The following ETS1 variants were observed in gnomAD, a reference collection of about 807,000 sequenced individuals.
The protein encoded by ETS1 is protein C-ets-1.
Under a neutral mutation model 58.6 loss-of-function variants are expected in ETS1, and 15 were observed. The ratio of observed to expected loss-of-function variants is 0.26; its 90% CI spans 0.17 to 0.39. The LOEUF is 0.39. ETS1 is among the 10% of genes least tolerant of loss of function. The pLI is 1.00. For missense variants in ETS1, 417 were observed against 610.5 expected, an observed-to-expected ratio of 0.68 and a Z score of 3.34; for synonymous variants, 214 against 218.2, an observed-to-expected ratio of 0.98 and a Z score of 0.17.
intron 3 of ETS1, among the ~76,000 whole-genome samples, chr11:128,515,413 G>T (rs1462023895): frequency 2.0e-5 from 3 of 152,158 alleles, no homozygotes; most frequent in Non-Finnish European, 2.9e-5. Context: ...GTTGATTTGG[G>T]TTTCTCAGAC....
intron 1 of ETS1, among the ~76,000 whole-genome samples, chr11:128,583,610 A>C (rs1864918594): frequency 1.3e-5 from 2 of 152,186 alleles, no homozygotes; most frequent in South Asian, 4.1e-4. Flanking sequence ...ATGCATCTGG[A>C]ATTATTTCAA....
At chr11:128,553,514 T>G (rs1202165652) in intron 3 of ETS1, among the ~76,000 whole-genome samples, 1 of 152,128 alleles carries the variant, frequency 6.6e-6, no homozygotes, top group Non-Finnish European at 1.5e-5. Context: ...TTATTTTCTG[T>G]CCATTTTCAC....
At chr11:128,547,641 G>GTT (rs369226551) in intron 3 of ETS1, among the ~76,000 whole-genome samples, 5 of 146,772 alleles carry the variant, frequency 3.4e-5, no homozygotes, top group East Asian at 2.0e-4. Context: ...TGTTTTTTTG[G>GTT]TTTTTTTTTT....
chr11:128,472,631 G>T (rs1472214896), intron 8 of ETS1, among the ~76,000 whole-genome samples: 2 of 152,172 alleles, frequency 1.3e-5, no homozygotes, highest in Non-Finnish European at 2.9e-5. Flanking sequence ...TCATCCTGGG[G>T]ACTGCTCCAG....
chr11:128,556,962 A>G (rs1864322396), intron 2 of ETS1, among the ~76,000 whole-genome samples: 2 of 152,156 alleles, frequency 1.3e-5, no homozygotes. Flanking sequence ...GAAATTGTCC[A>G]TTTGCCCCAA....
At chr11:128,476,742 G>A (rs1158746879) in intron 8 of ETS1, among the ~76,000 whole-genome samples, 3 of 152,252 alleles carry the variant, frequency 2.0e-5, no homozygotes, top group Non-Finnish European at 4.4e-5. Context: ...GTAATTAGAA[G>A]GGGTTCATAA....
At chr11:128,523,499 T>C (rs1309785870) in intron 3 of ETS1, among the ~76,000 whole-genome samples, 1 of 152,240 alleles carries the variant, frequency 6.6e-6, no homozygotes, top group African/African-American at 2.4e-5. Flanking sequence ...ATTTTTAATG[T>C]TTCCTGATTT....
At chr11:128,552,320 G>A (rs996775461) in intron 3 of ETS1, among the ~76,000 whole-genome samples, 1 of 152,196 alleles carries the variant, frequency 6.6e-6, no homozygotes, top group Non-Finnish European at 1.5e-5. Flanking sequence ...GAATGTGGTT[G>A]AGTGAAGGTT....
At chr11:128,539,678 T>C (rs1223765761) in intron 3 of ETS1, among the ~76,000 whole-genome samples, 5 of 152,222 alleles carry the variant, frequency 3.3e-5, no homozygotes, top group African/African-American at 1.2e-4. Context: ...TGTACATTAA[T>C]GTTAATAGCA....
At chr11:128,490,383 C>T (rs879230711) in intron 4 of ETS1, 74 bp downstream of exon 4, 2 of 1,524,772 alleles carry the variant, frequency 1.3e-6, no homozygotes, top group South Asian at 2.3e-5. Flanking sequence ...CTGCCTCACA[C>T]ACTCCAGGTG....
intron 5 of ETS1, among the ~76,000 whole-genome samples, chr11:128,487,935 A>C (rs1862682575): frequency 6.6e-6 from 1 of 152,176 alleles, no homozygotes; most frequent in African/African-American, 2.4e-5. Context: ...AGCACTTTGG[A>C]AACAGGGAGA....
At chr11:128,586,939 G>A (rs1865043826) in intron 1 of ETS1, among the ~76,000 whole-genome samples, 2 of 152,170 alleles carry the variant, frequency 1.3e-5, no homozygotes, top group Admixed American at 1.3e-4. Context: ...TTAGGAACTT[G>A]TAGATCTTTG....
intron 2 of ETS1, among the ~76,000 whole-genome samples, chr11:128,564,185 C>T (rs1339396039): frequency 2.0e-5 from 3 of 152,174 alleles, no homozygotes; most frequent in Admixed American, 6.5e-5. Flanking sequence ...AACAGAACCA[C>T]TCCCCAGCTC....
chr11:128,486,163 G>C lies in ETS1; in HGVS notation c.536-17C>G, dbSNP rs767571378. The C allele has an allele frequency of 1.3e-6, 2 of 1,536,504 alleles. No homozygotes were observed. The highest frequency in any genetic ancestry group is 1.8e-6 in the Non-Finnish European group (2 of 1,110,476). On this transcript the variant is annotated splice_polypyrimidine_tract_variant and intron_variant, in intron 5 of 9. Coordinates refer to ENST00000392668, the MANE Select transcript of ETS1 (RefSeq NM_001143820.2). ...TCACATCCTCTGTAATGAACAGATA[G>C]GGAAGGAACAAAGAGGTCAATATTC...
chr11:128,510,353 G>A (rs1257474147), intron 3 of ETS1, among the ~76,000 whole-genome samples: 1 of 152,228 alleles, frequency 6.6e-6, no homozygotes, highest in Non-Finnish European at 1.5e-5. Flanking sequence ...ATGCAGACAT[G>A]TGTCCATATC....
rs1312227206 is a variant in ETS1 at position 128,458,884 on chromosome 11, AC to A, written c.*3476del. 2.6e-5 allele frequency: 4 copies of A among 152,680 alleles called. No homozygotes were observed. The highest frequency in any genetic ancestry group is 2.9e-5 in the Non-Finnish European group (2 of 68,018). 9.5% of individuals were successfully genotyped at this position (152,680 alleles called of 1,614,324 possible). On this transcript the variant is annotated 3_prime_UTR_variant, in exon 10 of 10. Coordinates refer to ENST00000392668, the MANE Select transcript of ETS1 (RefSeq NM_001143820.2). This position sits in a 1 kb window ranked among gnomAD's most constrained non-coding sequence, Gnocchi z 4.3. ...GTGCCAGCATCAGCTACTAAAATAA[AC>A]AAACAAAAAACTCCGCCATAAGAAT...
chr11:128,462,786 C>G (rs192721472), intron 9 of ETS1, among the ~76,000 whole-genome samples: 1 of 152,160 alleles, frequency 6.6e-6, no homozygotes, highest in East Asian at 1.9e-4. Context: ...ATGGGAGTCA[C>G]AATGATTCTT....
chr11:128,582,358 CACAA>C (rs1160186972), intron 1 of ETS1, among the ~76,000 whole-genome samples: 1 of 152,118 alleles, frequency 6.6e-6, no homozygotes, highest in Non-Finnish European at 1.5e-5. Flanking sequence ...TCATACAAAA[CACAA>C]ATACTTAGCA....
At chr11:128,495,307 T>A (rs571402344) in intron 3 of ETS1, among the ~76,000 whole-genome samples, 70 of 151,706 alleles carry the variant, frequency 4.6e-4, no homozygotes, top group Non-Finnish European at 5.9e-5. Flanking sequence ...TTTTCAGAGC[T>A]GAGAAAAAAA....
Sources: gnomAD v4.1 joint callset for allele counts (sites outside exome capture counted in the v4.1 genomes callset) on GRCh38, gnomAD v4.1.1 for gene constraint, Gnocchi (gnomAD v3.1) non-coding constraint, MANE v1.5 for transcripts, NCBI Gene and HGNC (gene_info 2026-07-23, HGNC 2026-07-21) for gene names.